The following ANKH variants were observed in gnomAD, a reference collection of about 807,000 sequenced individuals.
ANKH encodes ANKH inorganic pyrophosphate transport regulator.
ANKH carries 15 observed loss-of-function variants against 49.0 expected under a neutral mutation model. That is an observed-to-expected ratio of 0.31 (90% CI 0.20 to 0.47). The LOEUF (loss-of-function observed/expected upper bound fraction) is 0.47, where lower values mean the gene tolerates loss of function less well. Among genes scored for constraint, ANKH ranks in the 20% least tolerant of loss-of-function variants. ANKH has a pLI of 1.00. For synonymous variants in ANKH, 273 were observed against 260.0 expected (o/e 1.05, Z -0.48); for missense variants, 429 against 652.0 (o/e 0.66, Z 3.72).
At chr5:14,841,662 T>C (rs766491146) in intron 1 of ANKH, among the ~76,000 whole-genome samples, 1 of 152,158 alleles carries the variant, frequency 6.6e-6, no homozygotes, top group Non-Finnish European at 1.5e-5. Flanking sequence ...TGGGCAACCA[T>C]CCACACCATC....
intron 1 of ANKH, among the ~76,000 whole-genome samples, chr5:14,837,864 G>A (rs1741700231): frequency 6.6e-6 from 1 of 152,086 alleles, no homozygotes; most frequent in Non-Finnish European, 1.5e-5. Context: ...GCAAAGACTT[G>A]GAACCAACCC....
intron 8 of ANKH, among the ~76,000 whole-genome samples, chr5:14,726,541 CAG>C (rs1472718131): frequency 6.6e-6 from 1 of 151,990 alleles, no homozygotes; most frequent in Non-Finnish European, 1.5e-5. Flanking sequence ...ATATGAAAGA[CAG>C]GAGCTGGGCA....
intron 1 of ANKH, among the ~76,000 whole-genome samples, chr5:14,829,915 T>C (rs559770257): frequency 2.0e-5 from 3 of 152,224 alleles, no homozygotes; most frequent in African/African-American, 2.4e-5. Flanking sequence ...TTCTCAATAT[T>C]AGCAAATTAA....
At chr5:14,798,200 G>A in intron 1 of ANKH, 1 of 1,589,534 alleles carries the variant, frequency 6.3e-7, no homozygotes, top group Admixed American at 1.7e-5. Flanking sequence ...GTGTCCCCAG[G>A]ACAAGTCGAT....
At chr5:14,856,094 C>T (rs1005628057) in intron 1 of ANKH, among the ~76,000 whole-genome samples, 1 of 151,682 alleles carries the variant, frequency 6.6e-6, no homozygotes, top group Admixed American at 6.6e-5. Flanking sequence ...AGTGGGCAGG[C>T]GAATCGCTTG....
intron 8 of ANKH, among the ~76,000 whole-genome samples, chr5:14,735,634 G>A (rs1229985172): frequency 6.6e-6 from 1 of 152,198 alleles, no homozygotes; most frequent in Admixed American, 6.5e-5. Flanking sequence ...TGCTAGGGAA[G>A]GGTCTGTTCC....
At chr5:14,778,821 A>C (rs1051465760) in intron 1 of ANKH, among the ~76,000 whole-genome samples, 1 of 152,142 alleles carries the variant, frequency 6.6e-6, no homozygotes, top group African/African-American at 2.4e-5. Flanking sequence ...TATTTGTAGA[A>C]TTCTACTTGG....
At chr5:14,762,598 G>A (rs181742427) in intron 2 of ANKH, among the ~76,000 whole-genome samples, 1 of 152,296 alleles carries the variant, frequency 6.6e-6, no homozygotes, top group African/African-American at 2.4e-5. Context: ...CATGATAGAG[G>A]AGTCTGATTA....
chr5:14,716,644 A>G lies in ANKH; in HGVS notation c.1141+62T>C, dbSNP rs1279048053. On this transcript the variant is annotated intron_variant, in intron 9 of 11. Coordinates refer to ENST00000284268, the MANE Select transcript of ANKH (RefSeq NM_054027.6). The stretch of plus-strand genomic sequence containing the variant: ...GTGACATAATTGCAAACATTTCCAA[A>G]GAAAGATTTAATTAGGCATGAGGAT... The G allele has an allele frequency of 2.5e-6, 4 of 1,606,104 alleles. No individual in the cohort carries two copies. In the African/African-American group the frequency reaches 4.0e-5, roughly 16 times the overall value.
Position 14,798,491 on chromosome 5 carries a change from A to ATTT in ANKH, c.97-29303_97-29301dup. 104 of 851,860 alleles carry ATTT rather than the reference A, an allele frequency of 1.2e-4. 1 individual carries two copies. Among genetic ancestry groups the ATTT allele is most frequent in the Non-Finnish European group, 1.5e-4 (91 of 589,690 alleles). 52.8% of individuals were successfully genotyped at this position (851,860 alleles called of 1,614,324 possible). The stretch of plus-strand genomic sequence containing the variant: ...CGTTCGCTCTGCGCACGCGGTCTCT[A>ATTT]TTTTTTTTTTTAATTAACAAATTGA... On this transcript the variant is annotated intron_variant, in intron 1 of 11. Transcript: ENST00000284268.
chr5:14,797,341 G>T, intron 1 of ANKH: 1 of 1,605,070 alleles, frequency 6.2e-7, no homozygotes. Flanking sequence ...TCTGGGGATT[G>T]TTCCTCTCCA....
At chr5:14,805,422 C>A (rs1256620217) in intron 1 of ANKH, among the ~76,000 whole-genome samples, 4 of 131,040 alleles carry the variant, frequency 3.1e-5, no homozygotes, top group Admixed American at 7.7e-5. Flanking sequence ...GTGTGTGTAT[C>A]CTATAAACAT....
chr5:14,793,864 T>C (rs1259137968), intron 1 of ANKH, among the ~76,000 whole-genome samples: 1 of 152,186 alleles, frequency 6.6e-6, no homozygotes, highest in Admixed American at 6.5e-5. Flanking sequence ...TATCACTGCA[T>C]TTCTGTGTGG....
chr5:14,729,267 G>T (rs567969440), intron 8 of ANKH, among the ~76,000 whole-genome samples: 1 of 152,082 alleles, frequency 6.6e-6, no homozygotes, highest in East Asian at 1.9e-4. Flanking sequence ...TGGGCAGGCT[G>T]GTCTCGAACT....
chr5:14,803,258 CTCTA>C (rs113684173), intron 1 of ANKH, among the ~76,000 whole-genome samples: 15,645 of 152,104 alleles, frequency 0.1, 868 homozygotes, highest in Admixed American at 0.12. Flanking sequence ...GTCTTTTAGT[CTCTA>C]TCTCTTTTTT....
intron 11 of ANKH, among the ~76,000 whole-genome samples, chr5:14,712,352 TCAGA>T (rs1188196686): frequency 5.3e-5 from 8 of 152,222 alleles, no homozygotes; most frequent in South Asian, 2.1e-4. Context: ...CTCCCTTTTC[TCAGA>T]CAATGATGTG....
rs1314027840 is a variant in ANKH at position 14,707,372 on chromosome 5, C to T, written c.*3825G>A. 6.6e-6 allele frequency: 1 copy of T among 152,116 alleles called. No homozygotes were observed. Among genetic ancestry groups the T allele is most frequent in the Admixed American group, 6.5e-5 (1 of 15,280 alleles). 9.4% of individuals were successfully genotyped at this position (152,116 alleles called of 1,614,324 possible). A position where few individuals can be genotyped will look rare whatever the true frequency, so the allele number is the denominator to read the frequency against. On this transcript the variant is annotated 3_prime_UTR_variant, in exon 12 of 12. Transcript: ENST00000284268. Reference sequence around the variant, plus strand: ...AAACCAAGGATATAGAAAAGTTACTCTCCCCCTGCCCCTTCCCTCCAGAAG... The same window carrying T: ...AAACCAAGGATATAGAAAAGTTACTTTCCCCCTGCCCCTTCCCTCCAGAAG...
intron 1 of ANKH, among the ~76,000 whole-genome samples, chr5:14,812,351 G>A (rs889884509): frequency 3.9e-5 from 6 of 152,022 alleles, no homozygotes; most frequent in Non-Finnish European, 7.4e-5. Flanking sequence ...ACCTGTTAAC[G>A]CACTGGCTGC....
chr5:14,768,928 A>G lies in ANKH; in HGVS notation c.313+47T>C, dbSNP rs772814149. On this transcript the variant is annotated intron_variant, in intron 2 of 11. Coordinates refer to ENST00000284268, the MANE Select transcript of ANKH (RefSeq NM_054027.6). ...TACATTTAAATCAATGAAAAGGAAT[A>G]AGAAATTGCCAAAGCTAGATTCGTC... 3 of 1,567,314 alleles carry G rather than the reference A, an allele frequency of 1.9e-6. No individual in the cohort carries two copies. In the South Asian group the frequency reaches 3.3e-5, roughly 17 times the overall value.
Sources: allele counts gnomAD v4.1 joint callset (sites outside exome capture counted in the v4.1 genomes callset), GRCh38; gene constraint gnomAD v4.1.1; transcripts MANE v1.5; gene names NCBI Gene and HGNC (gene_info 2026-07-23, HGNC 2026-07-21).